The following KCND2 variants were observed in gnomAD, a reference collection of about 807,000 sequenced individuals.
KCND2 encodes the protein potassium voltage-gated channel subfamily D member 2, also known as A-type voltage-gated potassium channel KCND2.
KCND2 carries 16 observed loss-of-function variants against 54.4 expected under a neutral mutation model. The ratio of observed to expected loss-of-function variants is 0.29; its 90% CI spans 0.20 to 0.45. KCND2 has a LOEUF of 0.45. Ranked by LOEUF, KCND2 falls within the 20% of genes least tolerant of loss-of-function variation. The pLI is 1.00. For synonymous variants in KCND2, 317 were observed against 310.7 expected (o/e 1.02, Z -0.21); for missense variants, 486 against 824.2 (o/e 0.59, Z 5.02).
intron 1 of KCND2, among the ~76,000 whole-genome samples, chr7:120,633,421 T>G (rs1793263302): frequency 6.6e-6 from 1 of 152,144 alleles, no homozygotes. Context: ...GGAAACCAAC[T>G]GTAAGGCCAG....
intron 1 of KCND2, among the ~76,000 whole-genome samples, chr7:120,479,962 CAAAAA>C (rs35246643): frequency 1.5e-5 from 1 of 68,884 alleles, no homozygotes; most frequent in Non-Finnish European, 3.1e-5. Flanking sequence ...GTAAGACTGT[CAAAAA>C]AAAAAAAAAA....
intron 1 of KCND2, among the ~76,000 whole-genome samples, chr7:120,283,298 A>G (rs966604382): frequency 2.0e-5 from 3 of 152,194 alleles, no homozygotes; most frequent in African/African-American, 7.2e-5. Context: ...ATAGACCACA[A>G]TAAAGACTTC....
chr7:120,502,230 C>T (rs1201954106), intron 1 of KCND2, among the ~76,000 whole-genome samples: 1 of 151,864 alleles, frequency 6.6e-6, no homozygotes, highest in Admixed American at 6.6e-5. Context: ...CTGGGTCCTG[C>T]TAAAAGCTGG....
chr7:120,391,204 G>A (rs1801072279), intron 1 of KCND2, among the ~76,000 whole-genome samples: 1 of 152,044 alleles, frequency 6.6e-6, no homozygotes, highest in Admixed American at 6.6e-5. Flanking sequence ...TCCTGAGGAT[G>A]ATGATTTCCA....
intron 1 of KCND2, among the ~76,000 whole-genome samples, chr7:120,577,355 T>G (rs886245348): frequency 5.3e-5 from 8 of 152,182 alleles, no homozygotes; most frequent in Non-Finnish European, 8.8e-5. Flanking sequence ...AAAATTTACT[T>G]AAGTTTTATT....
chr7:120,731,587 G>A (rs1792807454), intron 1 of KCND2, among the ~76,000 whole-genome samples: 3 of 152,316 alleles, frequency 2.0e-5, no homozygotes, highest in South Asian at 2.1e-4. Flanking sequence ...TCAAGTCCAT[G>A]TCAGGGTTTA....
chr7:120,661,917 A>G lies in KCND2; in HGVS notation c.1116-70986A>G, dbSNP rs185372533. Among the ~76,000 whole-genome samples the G allele has an allele frequency of 1.1e-3, 169 of 152,352 alleles. 1 individual carries two copies. The highest frequency in any genetic ancestry group is 3.9e-3 in the African/African-American group (162 of 41,588). On this transcript the variant is annotated intron_variant, in intron 1 of 5. Coordinates refer to ENST00000331113, the MANE Select transcript of KCND2 (RefSeq NM_012281.3). ...ACAGGTATTTTTAAACAAAACAGCAAGTACACAAAGGGTTCCATGAGCCTC... is the reference window on the plus strand; with the variant it reads ...ACAGGTATTTTTAAACAAAACAGCAGGTACACAAAGGGTTCCATGAGCCTC...
rs1430091865 is a variant in KCND2, at chr7:120,731,395, G to A, written c.1116-1508G>A. Among the ~76,000 whole-genome samples the A allele has an allele frequency of 3.9e-5, 6 of 152,312 alleles. No homozygotes were observed. The South Asian group carries it at 1.0e-3, about 26-fold the overall frequency. On this transcript the variant is annotated intron_variant, in intron 1 of 5. Transcript: ENST00000331113. Reference sequence around the variant, plus strand: ...TAGGTGGCCAGAAAATCACTTGGATGGAGACATTTAAATGGCACCCTGAAT... The same window carrying A: ...TAGGTGGCCAGAAAATCACTTGGATAGAGACATTTAAATGGCACCCTGAAT...
intron 4 of KCND2, among the ~76,000 whole-genome samples, chr7:120,744,625 A>G (rs1455447811): frequency 6.6e-6 from 1 of 152,162 alleles, no homozygotes; most frequent in East Asian, 1.9e-4. Flanking sequence ...TCTAGACTTT[A>G]AAGAGTAGAA....
chr7:120,730,290 A>G (rs1037643860), intron 1 of KCND2, among the ~76,000 whole-genome samples: 1 of 152,070 alleles, frequency 6.6e-6, no homozygotes, highest in Non-Finnish European at 1.5e-5. Context: ...CTGCATAATC[A>G]GTGTGAAGGG....
chr7:120,586,271 A>G (rs1792599679), intron 1 of KCND2, among the ~76,000 whole-genome samples: 1 of 152,218 alleles, frequency 6.6e-6, no homozygotes, highest in East Asian at 1.9e-4. Context: ...CATATGTCCT[A>G]AAGTTAAATT....
At chr7:120,686,783 C>T (rs1353986892) in intron 1 of KCND2, among the ~76,000 whole-genome samples, 2 of 151,992 alleles carry the variant, frequency 1.3e-5, no homozygotes, top group African/African-American at 4.8e-5. Context: ...TTGAGTGTTC[C>T]TAGAAAAAGG....
intron 2 of KCND2, 28 bp from the exon 3 acceptor site, chr7:120,741,506 A>C (rs1792940377): frequency 6.9e-7 from 1 of 1,441,990 alleles, no homozygotes; most frequent in Non-Finnish European, 9.8e-7. Flanking sequence ...TATAAATGTT[A>C]ATGGGATGTT....
intron 1 of KCND2, among the ~76,000 whole-genome samples, chr7:120,368,319 A>G (rs1406814641): frequency 6.6e-6 from 1 of 152,090 alleles, no homozygotes; most frequent in Non-Finnish European, 1.5e-5. Context: ...TTTTAATGTA[A>G]GTTTCTTGGG....
chr7:120,417,018 G>T (rs2116123117), intron 1 of KCND2, among the ~76,000 whole-genome samples: 1 of 152,122 alleles, frequency 6.6e-6, no homozygotes, highest in Non-Finnish European at 1.5e-5. Context: ...GCTAATTTTT[G>T]TATTTTTAGT....
intron 1 of KCND2, among the ~76,000 whole-genome samples, chr7:120,302,994 A>G (rs906936130): frequency 1.3e-5 from 2 of 152,192 alleles, no homozygotes; most frequent in Admixed American, 1.3e-4. Context: ...AAAATATTAG[A>G]ACCTCAGTTT....
chr7:120,372,001 G>A (rs1302152339), intron 1 of KCND2, among the ~76,000 whole-genome samples: 1 of 151,916 alleles, frequency 6.6e-6, no homozygotes, highest in Non-Finnish European at 1.5e-5. Context: ...CACTTAGGTT[G>A]ATTGCATATC....
intron 1 of KCND2, among the ~76,000 whole-genome samples, chr7:120,536,286 T>G (rs184622006): frequency 2.9e-4 from 44 of 152,156 alleles, no homozygotes; most frequent in Non-Finnish European, 1.5e-5. Flanking sequence ...TCATCTGGAC[T>G]GTCAGTGAGT....
intron 1 of KCND2, among the ~76,000 whole-genome samples, chr7:120,718,526 C>G (rs1792630321): frequency 6.6e-6 from 1 of 152,068 alleles, no homozygotes; most frequent in South Asian, 2.1e-4. Flanking sequence ...TATGGATTAT[C>G]TAGGCTTGTT....
Sources: gnomAD v4.1 joint callset for allele counts (sites outside exome capture counted in the v4.1 genomes callset) on GRCh38, gnomAD v4.1.1 for gene constraint, MANE v1.5 for transcripts, NCBI Gene and HGNC (gene_info 2026-07-23, HGNC 2026-07-21) for gene names.